The following YWHAZ variants were observed in gnomAD, a reference collection of about 807,000 sequenced individuals.
YWHAZ encodes 14-3-3 protein zeta/delta.
For missense variants in YWHAZ, 79 were observed against 284.8 expected, an observed-to-expected ratio of 0.28 and a Z score of 5.20; for synonymous variants, 87 against 103.6, an observed-to-expected ratio of 0.84 and a Z score of 0.97.
intron 2 of YWHAZ, among the ~76,000 whole-genome samples, chr8:100,940,062 CAAAAAAAAA>C (rs33984830): frequency 2.0e-5 from 2 of 99,026 alleles, no homozygotes; most frequent in Admixed American, 2.1e-4. Flanking sequence ...GACTCCGTCT[CAAAAAAAAA>C]AAAAAAAAGT....
Position 100,918,408 on chromosome 8 carries a change from T to TATATATATATATATA in YWHAZ, c.*2284_*2285insTATATATATATATAT, listed in dbSNP as rs1554611374. On this transcript the variant is annotated 3_prime_UTR_variant, in exon 6 of 6. Coordinates refer to ENST00000395958, the MANE Select transcript of YWHAZ (RefSeq NM_145690.3). ...AGTCTAGCTATAAAATATAATTACT[T>TATATATATATATATA]TATATATATATATATATATATATAT... 2.9e-4 allele frequency: 12 copies of TATATATATATATATA among 41,884 alleles called. No homozygotes were observed. The highest frequency in any genetic ancestry group is 1.3e-3 in the South Asian group (1 of 794). The allele number at this position is 41,884 out of a possible 1,614,324, so 2.6% of individuals were successfully genotyped here.
intron 2 of YWHAZ, among the ~76,000 whole-genome samples, chr8:100,938,391 C>A (rs1814350255): frequency 6.6e-6 from 1 of 152,162 alleles, no homozygotes; most frequent in Non-Finnish European, 1.5e-5. Flanking sequence ...GTCCCTTTAA[C>A]CCTAAAATTC....
rs962709599 is a variant in YWHAZ at position 100,920,108 on chromosome 8, C to T, written c.*585G>A. 1.3e-5 allele frequency: 2 copies of T among 152,486 alleles called. No individual in the cohort carries two copies. Among genetic ancestry groups the T allele is most frequent in the Non-Finnish European group, 2.9e-5 (2 of 68,034 alleles). The allele number at this position is 152,486 out of a possible 1,614,324, so 9.4% of individuals were successfully genotyped here. A position where few individuals can be genotyped will look rare whatever the true frequency, so the allele number is the denominator to read the frequency against. ...ACTTTACAAATAATGGAATGTGAAC[C>T]GTTTCTGCCCTTATCCAGAGTAAAA... On this transcript the variant is annotated 3_prime_UTR_variant, in exon 6 of 6. Transcript: ENST00000395958.
In YWHAZ at chr8:100,948,475, TA is replaced by T. The variant is rs1810470197; in HGVS notation, c.294+120del. On this transcript the variant is annotated intron_variant, in intron 2 of 5. Coordinates refer to ENST00000395958, the MANE Select transcript of YWHAZ (RefSeq NM_145690.3). The surrounding 1 kb of genome is among the most constrained non-coding windows in gnomAD (Gnocchi z 4.2). ...TTAGTCATGACACCATGAAGACTTT[TA>T]AATTTGGAACACACAATGTTTAGAA... 1.7e-6 allele frequency: 2 copies of T among 1,162,094 alleles called. No homozygotes were observed. The highest frequency in any genetic ancestry group is 2.4e-6 in the Non-Finnish European group (2 of 826,848). 72.0% of individuals were successfully genotyped at this position (1,162,094 alleles called of 1,614,324 possible).
intron 2 of YWHAZ, among the ~76,000 whole-genome samples, chr8:100,932,825 T>A (rs1366956925): frequency 6.6e-6 from 1 of 152,152 alleles, no homozygotes; most frequent in African/African-American, 2.4e-5. Context: ...GATGTCTATT[T>A]AAGGGCTATT....
chr8:100,927,525 C>G (rs1441651242), intron 2 of YWHAZ, among the ~76,000 whole-genome samples: 1 of 152,084 alleles, frequency 6.6e-6, no homozygotes, highest in Non-Finnish European at 1.5e-5. Context: ...GAGGCTGTCT[C>G]AAAAAGAGTA....
intron 2 of YWHAZ, among the ~76,000 whole-genome samples, chr8:100,942,868 T>C (rs1033101100): frequency 6.6e-6 from 1 of 152,232 alleles, no homozygotes; most frequent in African/African-American, 2.4e-5. Flanking sequence ...TCCAAGTGAA[T>C]GACCACAAGC....
intron 1 of YWHAZ, chr8:100,951,395 G>A (rs1318044028): frequency 1.0e-5 from 10 of 969,392 alleles, no homozygotes; most frequent in Non-Finnish European, 1.2e-5. Flanking sequence ...CAGCGCGGAG[G>A]CTGCGCGAGG....
intron 1 of YWHAZ, chr8:100,951,685 C>G (rs1181598690): frequency 1.0e-6 from 1 of 985,346 alleles, no homozygotes; most frequent in East Asian, 1.1e-4. Flanking sequence ...GACGGGGGAG[C>G]GAGCACCGAT....
intron 2 of YWHAZ, among the ~76,000 whole-genome samples, chr8:100,935,574 T>C (rs1355027882): frequency 6.6e-6 from 1 of 152,176 alleles, no homozygotes; most frequent in Non-Finnish European, 1.5e-5. Flanking sequence ...TAAACACATA[T>C]ATTCAGAAAC....
intron 5 of YWHAZ, among the ~76,000 whole-genome samples, chr8:100,921,509 C>T (rs1477975244): frequency 6.6e-6 from 1 of 152,172 alleles, no homozygotes; most frequent in Non-Finnish European, 1.5e-5. Flanking sequence ...ACACTCCAAA[C>T]AGAATCCTAT....
chr8:100,928,262 AGAGT>A (rs1433874731), intron 2 of YWHAZ, among the ~76,000 whole-genome samples: 1 of 150,638 alleles, frequency 6.6e-6, no homozygotes, highest in African/African-American at 2.4e-5. Context: ...CCTGGGCAAC[AGAGT>A]GAGACTCCGT....
intron 2 of YWHAZ, among the ~76,000 whole-genome samples, chr8:100,938,471 G>A (rs1814359281): frequency 6.6e-6 from 1 of 151,986 alleles, no homozygotes; most frequent in Admixed American, 6.6e-5. Flanking sequence ...AAAACTCCCA[G>A]TTTATATTAT....
intron 2 of YWHAZ, among the ~76,000 whole-genome samples, chr8:100,943,911 C>T (rs1171918349): frequency 6.8e-6 from 1 of 146,588 alleles, no homozygotes; most frequent in South Asian, 2.2e-4. Flanking sequence ...GGCGTGAGCC[C>T]GGAAGGCAGA....
rs1480878459 is a variant in YWHAZ, at chr8:100,917,564, AAAT to A, written c.*3126_*3128del. The A allele has an allele frequency of 6.6e-6, 1 of 152,224 alleles. No homozygotes were observed. Among genetic ancestry groups the A allele is most frequent in the Non-Finnish European group, 1.5e-5 (1 of 68,068 alleles). The allele number at this position is 152,224 out of a possible 1,614,324, so 9.4% of individuals were successfully genotyped here. A position where few individuals can be genotyped will look rare whatever the true frequency, so the allele number is the denominator to read the frequency against. On this transcript the variant is annotated 3_prime_UTR_variant, in exon 6 of 6. Coordinates refer to ENST00000395958, the MANE Select transcript of YWHAZ (RefSeq NM_145690.3). ...GAAACCCTCTCTCTACTAAAAATAC[AAAT>A]AATTAGCCAGGAGTGGTGGCACATG...
At chr8:100,933,219 C>T (rs1345169971) in intron 2 of YWHAZ, among the ~76,000 whole-genome samples, 1 of 151,978 alleles carries the variant, frequency 6.6e-6, no homozygotes, top group Non-Finnish European at 1.5e-5. Flanking sequence ...ATTAGCTGGG[C>T]ATGGTGGTGT....
At chr8:100,952,782 C>G, upstream of YWHAZ, 1 of 999,622 alleles carries the variant, frequency 1.0e-6, no homozygotes, top group Non-Finnish European at 1.2e-6. Context: ...CCGCCGCTCC[C>G]CTTCCCCGGC....
intron 2 of YWHAZ, among the ~76,000 whole-genome samples, chr8:100,942,660 C>A (rs1809960139): frequency 6.6e-6 from 1 of 152,110 alleles, no homozygotes; most frequent in South Asian, 2.1e-4. Context: ...GAAGCAGAAA[C>A]CCTCAGGCCA....
rs1812880067 is a variant in YWHAZ, at chr8:100,919,511, G to A, written c.*1182C>T. On this transcript the variant is annotated 3_prime_UTR_variant, in exon 6 of 6. Transcript: ENST00000395958. The stretch of plus-strand genomic sequence containing the variant: ...TGGGGAGGAAGAGAGGGGATCATGG[G>A]ACATGGAAACAGTAGTTATATTAGT... 6.6e-6 allele frequency: 1 copy of A among 152,266 alleles called. No homozygotes were observed. Among genetic ancestry groups the A allele is most frequent in the Non-Finnish European group, 1.5e-5 (1 of 68,014 alleles). 9.4% of individuals were successfully genotyped at this position (152,266 alleles called of 1,614,324 possible). A position where few individuals can be genotyped will look rare whatever the true frequency, so the allele number is the denominator to read the frequency against.
Sources: gnomAD v4.1 joint callset for allele counts (sites outside exome capture counted in the v4.1 genomes callset) on GRCh38, gnomAD v4.1.1 for gene constraint, Gnocchi (gnomAD v3.1) non-coding constraint, MANE v1.5 for transcripts, NCBI Gene and HGNC (gene_info 2026-07-23, HGNC 2026-07-21) for gene names.